The following MAN1B1 variants were observed in gnomAD, a reference collection of about 807,000 sequenced individuals.
The protein encoded by MAN1B1 is mannosidase alpha class 1B member 1, also known as endoplasmic reticulum mannosyl-oligosaccharide 1,2-alpha-mannosidase.
Under a neutral mutation model 75.5 loss-of-function variants are expected in MAN1B1, and 66 were observed. The ratio of observed to expected loss-of-function variants is 0.87; its 90% CI spans 0.72 to 1.07. The LOEUF is 1.07. Among genes scored for constraint, MAN1B1 ranks in the 50% least tolerant of loss-of-function variants. The pLI is 0.00. For synonymous variants in MAN1B1, 453 were observed against 382.8 expected (o/e 1.18, Z -2.14); for missense variants, 973 against 912.5 (o/e 1.07, Z -0.85).
intron 5 of MAN1B1, among the ~76,000 whole-genome samples, chr9:137,099,019 G>A (rs1377655293): frequency 2.6e-4 from 40 of 152,218 alleles, no homozygotes; most frequent in Non-Finnish European, 1.9e-4. Flanking sequence ...TAGTAGAGAC[G>A]GGGTTTCGCG....
At chr9:137,093,237 T>C (rs550539070) in intron 3 of MAN1B1, among the ~76,000 whole-genome samples, 6 of 152,126 alleles carry the variant, frequency 3.9e-5, no homozygotes, top group South Asian at 4.2e-4. Flanking sequence ...CTACTAAAAA[T>C]ACACAAATTA....
At position 137,101,885 on chromosome 9, in the gene MAN1B1, A is replaced by G. The variant is rs764806246; in HGVS notation, c.1254+213A>G. 4.4e-6 allele frequency: 3 copies of G among 688,718 alleles called. 1 individual carries two copies. In the South Asian group the frequency reaches 4.6e-5, roughly 11 times the overall value. The allele number at this position is 688,718 out of a possible 1,614,324, so 42.7% of individuals were successfully genotyped here. A position where few individuals can be genotyped will look rare whatever the true frequency, so the allele number is the denominator to read the frequency against. ...CAGGCGTGCAGGTCGGTGGTGTTAC[A>G]CACATTCACACTGTTGCAGGCGTGC... On this transcript the variant is annotated intron_variant, in intron 8 of 12. Transcript: ENST00000371589.
chr9:137,089,123 C>T (rs548483428), intron 3 of MAN1B1, 118 bp downstream of exon 3: 4 of 1,310,960 alleles, frequency 3.1e-6, no homozygotes, highest in East Asian at 2.3e-5. Flanking sequence ...GTTTACCTCT[C>T]TCTCGTTTTG....
At position 137,107,744 on chromosome 9, in the gene MAN1B1, C is replaced by T. The variant is rs573568728; in HGVS notation, c.1896+82C>T. The T allele has an allele frequency of 5.6e-6, 9 of 1,600,268 alleles. No individual in the cohort carries two copies. The East Asian group carries it at 1.6e-4, about 28-fold the overall frequency. The stretch of plus-strand genomic sequence containing the variant: ...GGCTGTGGGGCTCAGGCTGGCTCCG[C>T]TCTTGGTGGTGGCTGTGACCTGGAT... On this transcript the variant is annotated intron_variant, in intron 12 of 12. Coordinates refer to ENST00000371589, the MANE Select transcript of MAN1B1 (RefSeq NM_016219.5).
intron 8 of MAN1B1, chr9:137,102,723 C>T (rs1830896725): frequency 4.5e-6 from 2 of 447,310 alleles, no homozygotes; most frequent in Admixed American, 4.9e-5. Flanking sequence ...CACATTCATG[C>T]TGTTGCAGGC....
At chr9:137,106,957 T>C in intron 10 of MAN1B1, 148 bp downstream of exon 10, 1 of 1,190,772 alleles carries the variant, frequency 8.4e-7, no homozygotes, top group South Asian at 1.5e-5. Flanking sequence ...GCCAGGCCTG[T>C]CTTGGCAACA....
Position 137,101,574 on chromosome 9 carries a change from C to T in MAN1B1, c.1156C>T (p.Pro386Ser). 1 of 1,613,888 alleles carries T rather than the reference C, an allele frequency of 6.2e-7. No individual in the cohort carries two copies. The highest frequency in any genetic ancestry group is 8.5e-7 in the Non-Finnish European group (1 of 1,180,050). Residue 386 changes from proline to serine, a missense_variant, in exon 8 of 13, where the codon CCG becomes TCG. Coordinates refer to ENST00000371589, the MANE Select transcript of MAN1B1 (RefSeq NM_016219.5). The stretch of plus-strand genomic sequence containing the variant: ...GAACATCGGTACTGGAGTTGCCCAC[C>T]CGCCACGGTGGACCTCCGACAGCAC... ...DVNIGTGVAHPPRWTSDSTVA... is the reference protein window; with the variant it reads ...DVNIGTGVAHSPRWTSDSTVA...
chr9:137,097,968 G>T (rs372467156), intron 5 of MAN1B1, 31 bp downstream of exon 5: 2 of 1,488,786 alleles, frequency 1.3e-6, no homozygotes, highest in Non-Finnish European at 1.8e-6. Context: ...CTTCCTCCCC[G>T]GGCGCTCAGG....
chr9:137,107,962 G>A, intron 12 of MAN1B1: 1 of 631,126 alleles, frequency 1.6e-6, no homozygotes, highest in South Asian at 1.9e-5. Flanking sequence ...CCCCAGTTTA[G>A]GAGGCACACG....
intron 8 of MAN1B1, chr9:137,104,899 CACCT>C (rs10551956): frequency 0.083 from 12,411 of 150,012 alleles, 619 homozygotes; most frequent in South Asian, 0.14. Context: ...TGGGTGCACA[CACCT>C]GCCTGAGGCT....
At chr9:137,094,355 A>G (rs1830597956) in intron 3 of MAN1B1, 2 of 483,096 alleles carry the variant, frequency 4.1e-6, no homozygotes, top group East Asian at 5.8e-5. Context: ...TCTTAGTGAC[A>G]TAATTCTAAT....
intron 3 of MAN1B1, among the ~76,000 whole-genome samples, chr9:137,096,022 T>C (rs1235443413): frequency 6.6e-6 from 1 of 152,166 alleles, no homozygotes; most frequent in Admixed American, 6.5e-5. Context: ...CTTAAGCGTT[T>C]TGTCTGGGGC....
At chr9:137,107,694 G>A (rs368615078) in intron 12 of MAN1B1, 32 bp downstream of exon 12, 27 of 1,610,202 alleles carry the variant, frequency 1.7e-5, no homozygotes, top group Admixed American at 6.7e-5. Flanking sequence ...GCGTGGTCAC[G>A]GCCACCGGGC....
At position 137,106,010 on chromosome 9, in the gene MAN1B1, G is replaced by T. The variant is rs1053314671; in HGVS notation, c.1255-115G>T. ...GTGGGCTGGGCACAGAGCTCTCTCT[G>T]CTGGGAGTCAGTCGGTGCTGGGGCG... On this transcript the variant is annotated intron_variant, in intron 8 of 12. Transcript: ENST00000371589. 3.6e-6 allele frequency: 3 copies of T among 832,064 alleles called. No homozygotes were observed. In the East Asian group the frequency reaches 7.8e-5, roughly 22 times the overall value. The allele number at this position is 832,064 out of a possible 1,614,324, so 51.5% of individuals were successfully genotyped here.
Position 137,106,561 on chromosome 9 carries a change from T to C in MAN1B1, c.1446-128T>C. On this transcript the variant is annotated intron_variant, in intron 9 of 12. Transcript: ENST00000371589. ...ACTGAGGGCCATGGGCTGTGCAGGG[T>C]GGCACCTTCTGTCCGGCAAGGGCCA... 14 of 1,455,932 alleles carry C rather than the reference T, an allele frequency of 9.6e-6. No individual in the cohort carries two copies. In the South Asian group the frequency reaches 1.5e-4, roughly 16 times the overall value. 90.2% of individuals were successfully genotyped at this position (1,455,932 alleles called of 1,614,324 possible). A position where few individuals can be genotyped will look rare whatever the true frequency, so the allele number is the denominator to read the frequency against.
In MAN1B1 at chr9:137,106,181, G is replaced by A; in HGVS notation, c.1311G>A (p.Gly437=). The A allele has an allele frequency of 1.2e-6, 2 of 1,612,792 alleles. No homozygotes were observed. Among genetic ancestry groups the A allele is most frequent in the Non-Finnish European group, 8.5e-7 (1 of 1,179,864 alleles). Residue 437 remains glycine (G), a synonymous_variant, in exon 9 of 13, where the codon GGG becomes GGA. Transcript: ENST00000371589. ...ACGGCCTGTCTGGGAAGAAGGATGG[G>A]CTGGTGCCCATGTTCATCAATACCC... ...HIHGLSGKKD[G]LVPMFINTHS...
In MAN1B1 at chr9:137,088,958, C is replaced by T. The variant is rs776849013; in HGVS notation, c.418C>T (p.Gln140Ter). ...PANPPVLPAPQKADTDPENLP... is the reference protein window; with the variant it reads ...PANPPVLPAP ...AAATCCACCCGTCTTACCAGCTCCT[C>T]AGAAGGCGGACACCGACCCTGAGAA... Residue 140 changes from glutamine (Q) to a stop codon, truncating the protein, a stop_gained, in exon 3 of 13, where the codon CAG becomes TAG. Transcript: ENST00000371589. LOFTEE classifies it high-confidence loss of function. The T allele has an allele frequency of 1.9e-6, 3 of 1,613,924 alleles. No homozygotes were observed. The highest frequency in any genetic ancestry group is 2.5e-6 in the Non-Finnish European group (3 of 1,180,030).
intron 6 of MAN1B1, among the ~76,000 whole-genome samples, chr9:137,100,516 T>TTTTTG (rs1830780897): frequency 6.6e-6 from 1 of 152,038 alleles, no homozygotes; most frequent in African/African-American, 2.4e-5. Context: ...TGGGTTTGGT[T>TTTTTG]TTTTGTTTTT....
rs759698669 is a variant in MAN1B1, at chr9:137,101,464, C to G, written c.1066-20C>G. ...TCTGGGTGACCTGAACGTTGGTTCT[C>G]TACTCTGCTCATATACCAGGAGGAT... On this transcript the variant is annotated intron_variant, in intron 7 of 12. Transcript: ENST00000371589. 7 of 1,612,952 alleles carry G rather than the reference C, an allele frequency of 4.3e-6. No individual in the cohort carries two copies. Among genetic ancestry groups the G allele is most frequent in the Non-Finnish European group, 5.9e-6 (7 of 1,179,566 alleles).
Sources: gnomAD v4.1 joint callset for allele counts (sites outside exome capture counted in the v4.1 genomes callset) on GRCh38, gnomAD v4.1.1 for gene constraint, MANE v1.5 for transcripts, NCBI Gene and HGNC (gene_info 2026-07-23, HGNC 2026-07-21) for gene names.